Variants in CDK14 observed in about 807,000 individuals in gnomAD.
CDK14 encodes cyclin-dependent kinase 14.
Under a neutral mutation model 60.7 loss-of-function variants are expected in CDK14, and 34 were observed. The observed-to-expected ratio is 0.56, with a 90% confidence interval of 0.43 to 0.75. The LOEUF is 0.75. CDK14 is among the 30% of genes least tolerant of loss of function. CDK14 has a pLI of 0.00. For synonymous variants in CDK14, 197 were observed against 203.7 expected, an observed-to-expected ratio of 0.97 and a Z score of 0.28; for missense variants, 482 against 564.1, an observed-to-expected ratio of 0.85 and a Z score of 1.47.
At chr7:90,773,555 A>G (rs1471096021) in intron 4 of CDK14, among the ~76,000 whole-genome samples, 1 of 152,196 alleles carries the variant, frequency 6.6e-6, no homozygotes, top group African/African-American at 2.4e-5. Flanking sequence ...CACCTATTCT[A>G]GAGTGCAGTG....
At chr7:91,179,074 T>C (rs1801893140) in intron 14 of CDK14, among the ~76,000 whole-genome samples, 1 of 151,926 alleles carries the variant, frequency 6.6e-6, no homozygotes, top group Non-Finnish European at 1.5e-5. Context: ...CCAACAATGA[T>C]AGACTGGATT....
intron 10 of CDK14, among the ~76,000 whole-genome samples, chr7:91,022,853 C>A (rs1796467110): frequency 6.6e-6 from 1 of 152,104 alleles, no homozygotes; most frequent in Non-Finnish European, 1.5e-5. Flanking sequence ...TGATATGCTG[C>A]ATGTAAGAAG....
chr7:91,070,269 C>CTGG (rs34650830), intron 11 of CDK14, among the ~76,000 whole-genome samples: 3 of 149,850 alleles, frequency 2.0e-5, no homozygotes, highest in Non-Finnish European at 3.0e-5. Flanking sequence ...GCTGCTGCTG[C>CTGG]TGGTGGTGGT....
intron 4 of CDK14, among the ~76,000 whole-genome samples, chr7:90,775,469 A>G (rs1804984502): frequency 6.6e-6 from 1 of 152,198 alleles, no homozygotes; most frequent in African/African-American, 2.4e-5. Flanking sequence ...TACTACAGAT[A>G]AAAATCTATT....
At chr7:90,841,659 T>TACACAC (rs57434660) in intron 5 of CDK14, among the ~76,000 whole-genome samples, 18,661 of 139,260 alleles carry the variant, frequency 0.13, 1,431 homozygotes, top group Non-Finnish European at 0.17. Flanking sequence ...TATATATATG[T>TACACAC]ACACACACAC....
chr7:90,667,459 A>T (rs532348150), intron 2 of CDK14, among the ~76,000 whole-genome samples: 77 of 151,978 alleles, frequency 5.1e-4, no homozygotes, highest in African/African-American at 1.8e-3. Context: ...CTCCACTAAC[A>T]TAGTTTCTGC....
At chr7:91,032,615 A>G (rs528890020) in intron 10 of CDK14, among the ~76,000 whole-genome samples, 2 of 152,312 alleles carry the variant, frequency 1.3e-5, no homozygotes, top group Non-Finnish European at 2.9e-5. Context: ...TGCATCCACA[A>G]GCCAAGTAAT....
chr7:90,855,914 A>G (rs1306651800), intron 5 of CDK14, among the ~76,000 whole-genome samples: 1 of 152,152 alleles, frequency 6.6e-6, no homozygotes, highest in Non-Finnish European at 1.5e-5. Context: ...TATCGATGCT[A>G]AGGAAGGGGG....
At chr7:90,978,106 C>T (rs542084857) in intron 9 of CDK14, among the ~76,000 whole-genome samples, 1 of 152,138 alleles carries the variant, frequency 6.6e-6, no homozygotes, top group South Asian at 2.1e-4. Context: ...TAACCAGGTA[C>T]AGAGAGGGCA....
chr7:91,055,221 C>T (rs697407), intron 11 of CDK14, among the ~76,000 whole-genome samples: 16,479 of 151,902 alleles, frequency 0.11, 1,106 homozygotes, highest in Non-Finnish European at 0.15. Context: ...ATATGGCCAA[C>T]GATATGAAAT....
intron 14 of CDK14, among the ~76,000 whole-genome samples, chr7:91,139,597 C>T (rs528739116): frequency 7.9e-5 from 12 of 152,236 alleles, no homozygotes; most frequent in African/African-American, 2.9e-4. Context: ...TATGTTTCCA[C>T]CTAAGATATT....
intron 12 of CDK14, among the ~76,000 whole-genome samples, chr7:91,099,437 A>G (rs1035908402): frequency 6.6e-6 from 1 of 152,152 alleles, no homozygotes; most frequent in Non-Finnish European, 1.5e-5. Flanking sequence ...GCTTTAATCA[A>G]CCACTTTGAA....
intron 2 of CDK14, among the ~76,000 whole-genome samples, chr7:90,627,642 CA>C (rs1263795838): frequency 6.6e-6 from 1 of 152,174 alleles, no homozygotes. Flanking sequence ...TCATAATTAA[CA>C]CATTTCTAGA....
In CDK14 at chr7:90,759,050, T is replaced by A. The variant is rs758832413; in HGVS notation, c.464+11275T>A. Among the ~76,000 whole-genome samples, 25 of 80,220 alleles carry A rather than the reference T, an allele frequency of 3.1e-4. No homozygotes were observed. In the Middle Eastern group the frequency reaches 0.02, roughly 64 times the overall value. 52.6% of individuals were successfully genotyped at this position (80,220 alleles called of 152,430 possible). A position where few individuals can be genotyped will look rare whatever the true frequency, so the allele number is the denominator to read the frequency against. ...CAGCCTGGGTGACAGAGCGAGACTC[T>A]GTCTAAAAAAAAAAAAAAAAATCGT... On this transcript the variant is annotated intron_variant, in intron 4 of 14. Transcript: ENST00000380050.
chr7:90,666,864 T>G (rs898982087), intron 2 of CDK14, among the ~76,000 whole-genome samples: 1 of 152,186 alleles, frequency 6.6e-6, no homozygotes, highest in Non-Finnish European at 1.5e-5. Context: ...GAAATGCACA[T>G]TTTGTATCGC....
At chr7:90,882,412 T>C (rs528087714) in intron 6 of CDK14, among the ~76,000 whole-genome samples, 1 of 152,350 alleles carries the variant, frequency 6.6e-6, no homozygotes, top group African/African-American at 2.4e-5. Context: ...TAAATATGTA[T>C]GTACCCAATA....
intron 5 of CDK14, among the ~76,000 whole-genome samples, chr7:90,853,583 C>G (rs916594462): frequency 2.0e-5 from 3 of 152,084 alleles, no homozygotes; most frequent in African/African-American, 7.2e-5. Flanking sequence ...TCTGTGAGAG[C>G]CATAGCACAG....
At chr7:90,697,443 G>C (rs1314042519) in intron 2 of CDK14, among the ~76,000 whole-genome samples, 3 of 152,138 alleles carry the variant, frequency 2.0e-5, no homozygotes, top group African/African-American at 7.2e-5. Flanking sequence ...CAGTTCTCCT[G>C]CCTTGGCCTC....
chr7:90,778,846 A>ACCTACCTTCCTTCCTT (rs1554335029), intron 4 of CDK14, among the ~76,000 whole-genome samples: 2 of 127,864 alleles, frequency 1.6e-5, no homozygotes, highest in South Asian at 2.9e-4. Context: ...AAATTGACCG[A>ACCTACCTTCCTTCCTT]CCTTCCTTCC....
Sources: gnomAD v4.1 joint callset for allele counts (sites outside exome capture counted in the v4.1 genomes callset) on GRCh38, gnomAD v4.1.1 for gene constraint, MANE v1.5 for transcripts, NCBI Gene and HGNC (gene_info 2026-07-23, HGNC 2026-07-21) for gene names.